ANGPT1: variants seen among roughly 807,000 people sequenced by gnomAD.
The protein encoded by ANGPT1 is angiopoietin 1.
A neutral mutation model predicts 62.2 loss-of-function variants in ANGPT1; 17 were observed. The ratio of observed to expected loss-of-function variants is 0.27; its 90% confidence interval spans 0.19 to 0.41. The LOEUF (loss-of-function observed/expected upper bound fraction) is 0.41. Ranked by LOEUF, ANGPT1 falls within the 10% of genes least tolerant of loss-of-function variation. The pLI, the probability that ANGPT1 is intolerant of heterozygous loss-of-function variation, is 1.00. For missense variants in ANGPT1, 478 were observed against 594.9 expected, an observed-to-expected ratio of 0.80 and a Z score of 2.04; for synonymous variants, 199 against 198.9, an observed-to-expected ratio of 1.00 and a Z score of 0.00.
chr8:107,419,878 C>T (rs1052872010), intron 1 of ANGPT1, among the ~76,000 whole-genome samples: 55 of 152,230 alleles, frequency 3.6e-4, no homozygotes, highest in Non-Finnish European at 8.1e-4. Context: ...ATAAATAGAT[C>T]TCATATTGCA....
intron 1 of ANGPT1, among the ~76,000 whole-genome samples, chr8:107,359,854 T>G (rs1489104282): frequency 1.3e-5 from 2 of 152,106 alleles, no homozygotes; most frequent in African/African-American, 4.8e-5. Context: ...CTTGAAATGG[T>G]TTGGTTGGTT....
chr8:107,450,726 G>GGT (rs1388779602), intron 1 of ANGPT1, among the ~76,000 whole-genome samples: 2 of 104,664 alleles, frequency 1.9e-5, no homozygotes, highest in Non-Finnish European at 4.7e-5. Flanking sequence ...GTGTGTGTGT[G>GGT]TGTGCATGTG....
At chr8:107,353,525 ACTTT>A (rs2130179691) in intron 1 of ANGPT1, among the ~76,000 whole-genome samples, 1 of 152,074 alleles carries the variant, frequency 6.6e-6, no homozygotes, top group Admixed American at 6.5e-5. Flanking sequence ...AGGGGTCTTG[ACTTT>A]CTTTGCTGGA....
At position 107,336,286 on chromosome 8, in the gene ANGPT1, T is replaced by C. The variant is rs1400517548; in HGVS notation, c.454-15A>G. ...TGATTTAGTACCTTAAGATAAAAGA[T>C]GAAAATATTTCAAACTTCAGTCACG... On this transcript the variant is annotated splice_polypyrimidine_tract_variant and intron_variant, in intron 2 of 8. Transcript: ENST00000517746. The C allele has an allele frequency of 1.9e-6, 3 of 1,571,828 alleles. No homozygotes were observed. In the South Asian group the frequency reaches 3.7e-5, roughly 19 times the overall value.
intron 1 of ANGPT1, among the ~76,000 whole-genome samples, chr8:107,455,385 C>T (rs1288083204): frequency 6.6e-6 from 1 of 152,038 alleles, no homozygotes; most frequent in Non-Finnish European, 1.5e-5. Context: ...AAACTCTGTA[C>T]ATCAAGTCAT....
chr8:107,288,521 G>T (rs74904851), intron 6 of ANGPT1, among the ~76,000 whole-genome samples: 6,758 of 152,124 alleles, frequency 0.044, 205 homozygotes, highest in Middle Eastern at 0.099. Flanking sequence ...AATACAGATG[G>T]TTAGGTCCCC....
chr8:107,489,200 A>G (rs147488159), intron 1 of ANGPT1, among the ~76,000 whole-genome samples: 87 of 152,320 alleles, frequency 5.7e-4, no homozygotes, highest in African/African-American at 2.0e-3. Context: ...TTGGTCGCTT[A>G]TAGGTACATA....
chr8:107,271,524 A>T (rs2130071045), intron 7 of ANGPT1, among the ~76,000 whole-genome samples: 1 of 152,130 alleles, frequency 6.6e-6, no homozygotes, highest in East Asian at 1.9e-4. Flanking sequence ...AATGACATAG[A>T]GATACAGCTC....
intron 1 of ANGPT1, among the ~76,000 whole-genome samples, chr8:107,422,665 A>G (rs1265889241): frequency 1.3e-5 from 2 of 152,164 alleles, no homozygotes; most frequent in African/African-American, 4.8e-5. Context: ...AGACACCTCT[A>G]ATTATCACAC....
chr8:107,341,132 G>A (rs536030736), intron 2 of ANGPT1, among the ~76,000 whole-genome samples: 11 of 152,272 alleles, frequency 7.2e-5, no homozygotes, highest in Admixed American at 5.9e-4. Flanking sequence ...TTAAAGAACA[G>A]CATAACTAAG....
intron 1 of ANGPT1, among the ~76,000 whole-genome samples, chr8:107,439,171 C>T (rs561130805): frequency 2.3e-4 from 35 of 152,238 alleles, no homozygotes; most frequent in Middle Eastern, 3.4e-3. Context: ...TGTTATCATA[C>T]CAGACTTAAT....
intron 1 of ANGPT1, among the ~76,000 whole-genome samples, chr8:107,412,081 T>C (rs1810597126): frequency 6.6e-6 from 1 of 152,112 alleles, no homozygotes; most frequent in South Asian, 2.1e-4. Context: ...TAGATGTAAG[T>C]AGCATCCCCC....
At chr8:107,361,409 T>G (rs1238712187) in intron 1 of ANGPT1, among the ~76,000 whole-genome samples, 1 of 149,320 alleles carries the variant, frequency 6.7e-6, no homozygotes, top group African/African-American at 2.4e-5. Flanking sequence ...TATATATATT[T>G]GTATAGAATC....
chr8:107,342,759 C>A (rs1322036404), intron 2 of ANGPT1, among the ~76,000 whole-genome samples: 2 of 148,702 alleles, frequency 1.3e-5, no homozygotes, highest in African/African-American at 2.5e-5. Context: ...GCTCATTGAA[C>A]AAACTGTTCC....
intron 1 of ANGPT1, among the ~76,000 whole-genome samples, chr8:107,492,263 C>A (rs1444181842): frequency 6.6e-6 from 1 of 152,186 alleles, no homozygotes; most frequent in East Asian, 1.9e-4. Flanking sequence ...TTTTCCCAAT[C>A]TCTAGGCATA....
intron 1 of ANGPT1, among the ~76,000 whole-genome samples, chr8:107,431,542 C>A (rs1811187791): frequency 6.6e-6 from 1 of 152,224 alleles, no homozygotes; most frequent in Non-Finnish European, 1.5e-5. Context: ...AGGCCACATG[C>A]CCTCTTCCAG....
chr8:107,328,515 A>G (rs1815342245), intron 3 of ANGPT1, among the ~76,000 whole-genome samples: 1 of 152,026 alleles, frequency 6.6e-6, no homozygotes, highest in African/African-American at 2.4e-5. Flanking sequence ...TGTTTCTATT[A>G]AAAAATAAGT....
intron 1 of ANGPT1, among the ~76,000 whole-genome samples, chr8:107,374,048 T>C (rs1011764683): frequency 1.3e-5 from 2 of 152,214 alleles, no homozygotes; most frequent in Admixed American, 1.3e-4. Flanking sequence ...AATATTGACC[T>C]TAATTCCCAT....
At chr8:107,424,230 A>T (rs1810978988) in intron 1 of ANGPT1, among the ~76,000 whole-genome samples, 1 of 152,160 alleles carries the variant, frequency 6.6e-6, no homozygotes, top group Non-Finnish European at 1.5e-5. Flanking sequence ...TGGCTTCAAA[A>T]TGCTAAATCT....
Sources: allele counts gnomAD v4.1 joint callset (sites outside exome capture counted in the v4.1 genomes callset), GRCh38; gene constraint gnomAD v4.1.1; transcripts MANE v1.5; gene names NCBI Gene and HGNC (gene_info 2026-07-23, HGNC 2026-07-21).